CSMD1: variants seen among roughly 807,000 people sequenced by gnomAD.
CSMD1 encodes the protein CUB and sushi domain-containing protein 1.
In CSMD1, 213 loss-of-function variants were observed where a neutral mutation model predicts 417.5. That is an observed-to-expected ratio of 0.51 (90% CI 0.46 to 0.57). CSMD1 has a LOEUF of 0.57. Among genes scored for constraint, CSMD1 ranks in the 20% least tolerant of loss-of-function variants. The pLI, the probability that CSMD1 is intolerant of heterozygous loss-of-function variation, is 0.00. For synonymous variants in CSMD1, 2,862 were observed against 1,736.8 expected (o/e 1.65, Z -16.11); for missense variants, 6,923 against 4,529.7 (o/e 1.53, Z -15.17).
At chr8:3,495,997 C>G (rs762808110) in intron 10 of CSMD1, among the ~76,000 whole-genome samples, 27 of 152,120 alleles carry the variant, frequency 1.8e-4, no homozygotes, top group South Asian at 6.2e-4. Context: ...CTGCACCTGT[C>G]AACCCATCAC....
intron 2 of CSMD1, among the ~76,000 whole-genome samples, chr8:4,458,457 T>C (rs974888599): frequency 3.3e-5 from 5 of 152,186 alleles, no homozygotes; most frequent in Non-Finnish European, 7.3e-5. Context: ...GAAGTTAAAG[T>C]TATGTGTAAC....
chr8:4,941,596 T>C (rs893845792), intron 1 of CSMD1, among the ~76,000 whole-genome samples: 2 of 137,040 alleles, frequency 1.5e-5, no homozygotes, highest in African/African-American at 5.0e-5. Context: ...TTTTTTTTAA[T>C]TTTTAATTTT....
chr8:4,435,157 T>C (rs1262870303), intron 2 of CSMD1, among the ~76,000 whole-genome samples: 3 of 152,118 alleles, frequency 2.0e-5, no homozygotes, highest in Non-Finnish European at 4.4e-5. Context: ...ATTATTTTTA[T>C]AAATATAACA....
intron 5 of CSMD1, among the ~76,000 whole-genome samples, chr8:3,767,709 C>G (rs1798357036): frequency 6.6e-6 from 1 of 152,028 alleles, no homozygotes; most frequent in Non-Finnish European, 1.5e-5. Flanking sequence ...CAGTGTATGT[C>G]TACATATACT....
At chr8:2,972,854 A>G (rs979242765) in intron 57 of CSMD1, among the ~76,000 whole-genome samples, 3 of 152,168 alleles carry the variant, frequency 2.0e-5, no homozygotes, top group Admixed American at 6.6e-5. Context: ...CATATAGATT[A>G]TCACTGGGAG....
chr8:4,666,010 C>G (rs1345933247), intron 1 of CSMD1, among the ~76,000 whole-genome samples: 2 of 152,158 alleles, frequency 1.3e-5, no homozygotes, highest in African/African-American at 4.8e-5. Flanking sequence ...TCGGCAGCAG[C>G]ACTTGTTGTT....
At chr8:3,688,797 T>C (rs1431642477) in intron 7 of CSMD1, among the ~76,000 whole-genome samples, 3 of 152,132 alleles carry the variant, frequency 2.0e-5, no homozygotes, top group Non-Finnish European at 4.4e-5. Flanking sequence ...TATACTGTAA[T>C]ACTATAGTAA....
intron 1 of CSMD1, among the ~76,000 whole-genome samples, chr8:4,724,405 A>C (rs1809273809): frequency 6.6e-6 from 1 of 152,096 alleles, no homozygotes; most frequent in Admixed American, 6.6e-5. Context: ...CATACCATAA[A>C]GTAAAATCAG....
intron 42 of CSMD1, 137 bp downstream of exon 42, chr8:3,118,262 G>C (rs1002548385): frequency 6.1e-6 from 4 of 650,578 alleles, no homozygotes; most frequent in Non-Finnish European, 7.6e-6. Context: ...ACTAAGTGGA[G>C]TGAGTAAAAC....
intron 3 of CSMD1, among the ~76,000 whole-genome samples, chr8:4,212,594 A>G (rs1268265182): frequency 6.6e-6 from 1 of 152,066 alleles, no homozygotes; most frequent in East Asian, 1.9e-4. Flanking sequence ...CATTGTCAGT[A>G]GGTGGTAGTT....
chr8:3,505,270 A>G (rs1011682609), intron 10 of CSMD1, among the ~76,000 whole-genome samples: 54 of 152,350 alleles, frequency 3.5e-4, no homozygotes, highest in African/African-American at 1.2e-3. Flanking sequence ...AAAATGCAGA[A>G]TTAACATTTA....
At chr8:3,373,988 C>G (rs996081934) in intron 18 of CSMD1, among the ~76,000 whole-genome samples, 1 of 139,094 alleles carries the variant, frequency 7.2e-6, no homozygotes, top group Non-Finnish European at 1.5e-5. Context: ...AGACTTGCTT[C>G]TTTGCCCAGG....
At chr8:3,391,468 AAGC>A (rs1167389024) in intron 17 of CSMD1, among the ~76,000 whole-genome samples, 3 of 152,222 alleles carry the variant, frequency 2.0e-5, no homozygotes, top group Non-Finnish European at 4.4e-5. Flanking sequence ...TCAACATACA[AAGC>A]AGATGATCAT....
intron 8 of CSMD1, among the ~76,000 whole-genome samples, chr8:3,600,474 C>G (rs1454826653): frequency 1.3e-5 from 2 of 152,182 alleles, no homozygotes; most frequent in East Asian, 1.9e-4. Flanking sequence ...CAGAATCATT[C>G]AGGGTTGATT....
chr8:4,591,212 T>C (rs1173348924), intron 2 of CSMD1, among the ~76,000 whole-genome samples: 1 of 152,160 alleles, frequency 6.6e-6, no homozygotes, highest in South Asian at 2.1e-4. Flanking sequence ...AAGATGAAGA[T>C]GAAATAAGCA....
At chr8:3,664,087 T>C (rs952953067) in intron 7 of CSMD1, among the ~76,000 whole-genome samples, 1 of 152,172 alleles carries the variant, frequency 6.6e-6, no homozygotes, top group Non-Finnish European at 1.5e-5. Flanking sequence ...AATGTGCACG[T>C]TTGTTACATA....
At chr8:4,891,039 A>G (rs1162064459) in intron 1 of CSMD1, among the ~76,000 whole-genome samples, 1 of 152,132 alleles carries the variant, frequency 6.6e-6, no homozygotes, top group African/African-American at 2.4e-5. Flanking sequence ...AAATGGTTCC[A>G]TTCATTACAT....
intron 3 of CSMD1, among the ~76,000 whole-genome samples, chr8:4,254,332 T>A (rs6995607): frequency 0.18 from 28,030 of 152,058 alleles, 3,242 homozygotes; most frequent in East Asian, 0.51. Flanking sequence ...ACATTCGTTC[T>A]ATGGAGAGTC....
chr8:3,320,807 C>A (rs1806102490), intron 23 of CSMD1, among the ~76,000 whole-genome samples: 2 of 152,210 alleles, frequency 1.3e-5, no homozygotes, highest in African/African-American at 4.8e-5. Flanking sequence ...ACCTAAGCCA[C>A]CCGCCTGCAG....
Sources: gnomAD v4.1 joint callset for allele counts (sites outside exome capture counted in the v4.1 genomes callset) on GRCh38, gnomAD v4.1.1 for gene constraint, MANE v1.5 for transcripts, NCBI Gene and HGNC (gene_info 2026-07-23, HGNC 2026-07-21) for gene names.